The following FGF14 variants were observed in gnomAD, a reference collection of about 807,000 sequenced individuals.
FGF14 encodes the protein fibroblast growth factor 14.
A neutral mutation model predicts 25.5 loss-of-function variants in FGF14; 5 were observed. The ratio of observed to expected loss-of-function variants is 0.20; its 90% CI spans 0.10 to 0.41. The LOEUF is 0.41. Ranked by LOEUF, FGF14 falls within the 10% of genes least tolerant of loss-of-function variation. FGF14 has a pLI of 1.00. For missense variants in FGF14, 222 were observed against 320.1 expected (o/e 0.69, Z 2.34); for synonymous variants, 138 against 118.3 (o/e 1.17, Z -1.08).
chr13:101,914,762 T>C (rs1011487760), intron 1 of FGF14, among the ~76,000 whole-genome samples: 3 of 152,232 alleles, frequency 2.0e-5, no homozygotes, highest in Non-Finnish European at 2.9e-5. Flanking sequence ...TCATTGTTTA[T>C]ATTAAAATAA....
chr13:102,215,234 A>G (rs548843384), intron 1 of FGF14, among the ~76,000 whole-genome samples: 38 of 152,322 alleles, frequency 2.5e-4, no homozygotes, highest in South Asian at 8.3e-4. Flanking sequence ...GAGCACAGAG[A>G]AGTGAGAGAA....
At chr13:102,215,648 C>G (rs1291039203) in intron 1 of FGF14, among the ~76,000 whole-genome samples, 1 of 152,294 alleles carries the variant, frequency 6.6e-6, no homozygotes, top group East Asian at 1.9e-4. Context: ...CCACAGCCCA[C>G]AACCATATTT....
chr13:102,125,052 C>T (rs1355174094), intron 1 of FGF14, among the ~76,000 whole-genome samples: 2 of 152,102 alleles, frequency 1.3e-5, no homozygotes, highest in African/African-American at 4.8e-5. Flanking sequence ...GGTTTCACAA[C>T]ACACTGTTAT....
intron 1 of FGF14, among the ~76,000 whole-genome samples, chr13:101,887,975 A>T (rs1410686608): frequency 1.3e-5 from 2 of 152,194 alleles, no homozygotes; most frequent in Non-Finnish European, 1.5e-5. Flanking sequence ...AAGTGAGATG[A>T]AATTGAGTCA....
At chr13:101,806,152 T>G (rs1162120524) in intron 3 of FGF14, among the ~76,000 whole-genome samples, 1 of 152,046 alleles carries the variant, frequency 6.6e-6, no homozygotes, top group Non-Finnish European at 1.5e-5. Context: ...CCGGGAGCAG[T>G]GGCTCACTCC....
At chr13:102,110,246 G>A (rs557858080) in intron 1 of FGF14, among the ~76,000 whole-genome samples, 2 of 152,304 alleles carry the variant, frequency 1.3e-5, no homozygotes, top group South Asian at 4.1e-4. Context: ...GTAGAAAGCA[G>A]TGTTTTTTTC....
chr13:102,224,008 C>T (rs1334800413), intron 1 of FGF14, among the ~76,000 whole-genome samples: 2 of 152,030 alleles, frequency 1.3e-5, no homozygotes, highest in Non-Finnish European at 2.9e-5. Context: ...GTCTCTACAG[C>T]CTCTGAAATG....
chr13:102,161,609 A>AGAC lies in FGF14; in HGVS notation c.208+239861_208+239862insGTC. ...AAGAAGAAGAAGAAGAAGAAGAAGA[A>AGAC]GAAGAAGAAGAAGAAGAAGAAGAAG... On this transcript the variant is annotated intron_variant, in intron 1 of 4. Transcript: ENST00000376131. 5.2e-3 allele frequency among the ~76,000 whole-genome samples: 25 copies of AGAC among 4,784 alleles called. 1 individual carries two copies. The highest frequency in any genetic ancestry group is 8.5e-3 in the African/African-American group (4 of 472). The allele number at this position is 4,784 out of a possible 152,430, so 3.1% of individuals were successfully genotyped here.
chr13:101,731,306 A>C (rs1368462531), intron 3 of FGF14, among the ~76,000 whole-genome samples: 1 of 152,164 alleles, frequency 6.6e-6, no homozygotes, highest in Non-Finnish European at 1.5e-5. Context: ...CCAAAACGAG[A>C]TCGATAAGGA....
Position 101,715,439 on chromosome 13 carries a change from A to AAT in FGF14, c.*7390_*7391dup, listed in dbSNP as rs372098650. On this transcript the variant is annotated 3_prime_UTR_variant, in exon 5 of 5. Transcript: ENST00000376143. ...AGATGTAATAATAACATCATTGCAC[A>AAT]ATAAGAAAATCTACCAAGGATGAAT... is the stretch of plus-strand genomic sequence containing the variant. 2.5e-5 allele frequency: 19 copies of AAT among 746,502 alleles called. No individual in the cohort carries two copies. The highest frequency in any genetic ancestry group is 2.3e-4 in the African/African-American group (13 of 57,430). The allele number at this position is 746,502 out of a possible 1,614,324, so 46.2% of individuals were successfully genotyped here.
chr13:101,932,756 T>TAAAAAAAAAA (rs869271842), intron 1 of FGF14, among the ~76,000 whole-genome samples: 1 of 98,582 alleles, frequency 1.0e-5, no homozygotes, highest in Non-Finnish European at 2.0e-5. Flanking sequence ...AAAATTACAG[T>TAAAAAAAAAA]AAAAAAAAAA....
chr13:102,001,751 A>T (rs970513933), intron 1 of FGF14, among the ~76,000 whole-genome samples: 6 of 152,244 alleles, frequency 3.9e-5, no homozygotes, highest in African/African-American at 1.4e-4. Context: ...TGTCAAGGAA[A>T]TAACATCTAA....
intron 3 of FGF14, among the ~76,000 whole-genome samples, chr13:101,762,935 G>C (rs549588506): frequency 4.1e-4 from 63 of 152,238 alleles, no homozygotes; most frequent in African/African-American, 1.5e-3. Flanking sequence ...CTGCCATAGG[G>C]AATATCAGTG....
At chr13:102,343,748 A>C (rs979463181) in intron 1 of FGF14, among the ~76,000 whole-genome samples, 4 of 152,170 alleles carry the variant, frequency 2.6e-5, no homozygotes, top group African/African-American at 9.7e-5. Flanking sequence ...CAGAATCTAA[A>C]CATATTTTGA....
rs36108366 is a variant in FGF14, at chr13:102,205,984, T to TAAAAAAAAAAAAAAAAAAAAAAAAAAAA, written c.208+195459_208+195486dup. ...AGGTAGCTCAAGAAGCTCCCTGTGG[T>TAAAAAAAAAAAAAAAAAAAAAAAAAAAA]AAAAAAAAAAAAAAAAAAAAAAAAA... On this transcript the variant is annotated intron_variant, in intron 1 of 4. Transcript: ENST00000376131. 6.3e-5 allele frequency among the ~76,000 whole-genome samples: 3 copies of TAAAAAAAAAAAAAAAAAAAAAAAAAAAA among 47,442 alleles called. 1 individual carries two copies. The allele number at this position is 47,442 out of a possible 152,430, so 31.1% of individuals were successfully genotyped here.
chr13:101,720,795 G>A lies in FGF14; in HGVS notation c.*2036C>T, dbSNP rs1392321397. ...AACACCAAATCAAAAATGACCAAAG[G>A]AATCATTTTGTTTGTTAGATTTGTA... On this transcript the variant is annotated 3_prime_UTR_variant, in exon 5 of 5. Transcript: ENST00000376143. The A allele has an allele frequency of 1.3e-5, 2 of 152,008 alleles. No individual in the cohort carries two copies. Among genetic ancestry groups the A allele is most frequent in the East Asian group, 1.9e-4 (1 of 5,168 alleles). The allele number at this position is 152,008 out of a possible 1,614,324, so 9.4% of individuals were successfully genotyped here.
intron 1 of FGF14, among the ~76,000 whole-genome samples, chr13:101,993,217 A>G (rs2038999861): frequency 6.6e-6 from 1 of 151,510 alleles, no homozygotes; most frequent in Non-Finnish European, 1.5e-5. Context: ...CACACAAACA[A>G]AAACAACTAC....
At chr13:101,734,018 G>A (rs2036002139) in intron 3 of FGF14, among the ~76,000 whole-genome samples, 1 of 151,774 alleles carries the variant, frequency 6.6e-6, no homozygotes, top group Non-Finnish European at 1.5e-5. Context: ...ATAAGGAGAT[G>A]TCTGTGTGTG....
At chr13:102,350,332 G>A (rs533536500) in intron 1 of FGF14, among the ~76,000 whole-genome samples, 9 of 150,922 alleles carry the variant, frequency 6.0e-5, no homozygotes, top group African/African-American at 9.7e-5. Context: ...TTGTGCCATC[G>A]CACTGCACTC....
Sources: allele counts gnomAD v4.1 joint callset (sites outside exome capture counted in the v4.1 genomes callset), GRCh38; gene constraint gnomAD v4.1.1; transcripts MANE v1.5; gene names NCBI Gene and HGNC (gene_info 2026-07-23, HGNC 2026-07-21).